Variants in DOCK11 observed in about 807,000 individuals in gnomAD.
DOCK11 encodes dedicator of cytokinesis 11.
In DOCK11, 70 loss-of-function variants were observed where a neutral mutation model predicts 169.1. The ratio of observed to expected loss-of-function variants is 0.41; its 90% CI spans 0.34 to 0.51. The LOEUF is 0.51. Among genes scored for constraint, DOCK11 ranks in the 20% least tolerant of loss-of-function variants. The probability of loss-of-function intolerance (pLI) is 0.10; values close to 1 mark genes in which losing one functional copy is unlikely to be tolerated. For missense variants in DOCK11, 1,166 were observed against 1,538.8 expected (o/e 0.76, Z 4.05); for synonymous variants, 529 against 541.3 (o/e 0.98, Z 0.32).
chrX:118,614,800 G>A (rs1002641379), intron 29 of DOCK11, 25 bp downstream of exon 29: 3 of 1,002,843 alleles, frequency 3.0e-6, no homozygotes, highest in African/African-American at 3.8e-5. Flanking sequence ...CATGATTGTA[G>A]TGGATGTCAG....
In DOCK11 at chrX:118,561,467, A is replaced by G; in HGVS notation, c.643A>G (p.Lys215Glu). 1 of 1,208,162 alleles carries G rather than the reference A, an allele frequency of 8.3e-7. No individual in the cohort carries two copies. Among genetic ancestry groups the G allele is most frequent in the Non-Finnish European group, 1.1e-6 (1 of 893,836 alleles). Residue 215 changes from lysine (K) to glutamate (E), a missense_variant, in exon 7 of 53, where the codon AAA becomes GAA. Coordinates refer to ENST00000276202, the MANE Select transcript of DOCK11 (RefSeq NM_144658.4). ...TTCCTATAAAGATGAGAAAAATTCA[A>G]AAGAATCGAAAGGTTGCATCTACTT... is the stretch of plus-strand genomic sequence containing the variant. ...LNSYKDEKNS[K>E]ESKGCIYLDA...
intron 45 of DOCK11, among the ~76,000 whole-genome samples, chrX:118,668,829 A>C (rs1010280412): frequency 1.8e-5 from 2 of 111,669 alleles, no homozygotes; most frequent in Non-Finnish European, 3.8e-5. Flanking sequence ...AAAGAGATTA[A>C]CCAAGTAGAA....
At chrX:118,500,117 C>T (rs1312531005) in intron 1 of DOCK11, among the ~76,000 whole-genome samples, 4 of 107,508 alleles carry the variant, frequency 3.7e-5, no homozygotes, top group Non-Finnish European at 1.9e-5. Context: ...GGCGGGATCT[C>T]GGCTCACTGC....
chrX:118,623,346 A>G (rs1273658878), intron 31 of DOCK11, among the ~76,000 whole-genome samples: 1 of 112,996 alleles, frequency 8.8e-6, no homozygotes, highest in African/African-American at 3.2e-5. Flanking sequence ...TAGGAGGTAG[A>G]ACTTAGGAGG....
At chrX:118,506,837 A>G (rs1051199731) in intron 1 of DOCK11, among the ~76,000 whole-genome samples, 1 of 112,022 alleles carries the variant, frequency 8.9e-6, no homozygotes, top group African/African-American at 3.2e-5. Flanking sequence ...AAATGCCAGC[A>G]CTTTGGCAGG....
chrX:118,496,345 G>C (rs1050096296), intron 1 of DOCK11, among the ~76,000 whole-genome samples: 4 of 112,089 alleles, frequency 3.6e-5, no homozygotes, highest in Non-Finnish European at 5.7e-5. Flanking sequence ...GGAGGCGGAG[G>C]CGGAGGCTCC....
chrX:118,607,452 C>A (rs1170930299), intron 24 of DOCK11, among the ~76,000 whole-genome samples: 13 of 63,784 alleles, frequency 2.0e-4, no homozygotes, highest in Middle Eastern at 0.015. Flanking sequence ...GACAGAGTCT[C>A]GCTCTGTTGC....
intron 28 of DOCK11, among the ~76,000 whole-genome samples, chrX:118,613,523 TAA>T (rs2014734790): frequency 8.9e-6 from 1 of 112,563 alleles, no homozygotes; most frequent in Non-Finnish European, 1.9e-5. Context: ...ATAAAGTGTT[TAA>T]AAGGATCCAT....
Position 118,662,794 on chromosome X carries a change from T to C in DOCK11, c.5076+2T>C. On this transcript the variant is annotated splice_donor_variant, in intron 45 of 52. Coordinates refer to ENST00000276202, the MANE Select transcript of DOCK11 (RefSeq NM_144658.4). LOFTEE classifies it high-confidence loss of function. Reference sequence around the variant, plus strand: ...ATGATGGATGTCCATTATAGTGAAGTAAGGATTCCAGGGCCTGCATTGCCA... The same window carrying C: ...ATGATGGATGTCCATTATAGTGAAGCAAGGATTCCAGGGCCTGCATTGCCA... The C allele has an allele frequency of 2.7e-6, 3 of 1,097,354 alleles. No individual in the cohort carries two copies. Among genetic ancestry groups the C allele is most frequent in the Non-Finnish European group, 3.8e-6 (3 of 795,743 alleles). 90.4% of individuals were successfully genotyped at this position (1,097,354 alleles called of 1,213,427 possible). A position where few individuals can be genotyped will look rare whatever the true frequency, so the allele number is the denominator to read the frequency against.
chrX:118,658,673 AG>A (rs2016139884), intron 44 of DOCK11, among the ~76,000 whole-genome samples: 1 of 112,454 alleles, frequency 8.9e-6, no homozygotes, highest in African/African-American at 3.2e-5. Context: ...CCTTTATTGA[AG>A]GCACCTCAAA....
intron 28 of DOCK11, among the ~76,000 whole-genome samples, chrX:118,613,578 A>G (rs1203218131): frequency 8.9e-6 from 1 of 112,868 alleles, no homozygotes; most frequent in Non-Finnish European, 1.9e-5. Flanking sequence ...TGAGAACCTT[A>G]AAGAATGAAT....
At chrX:118,598,315 C>A (rs1398009721) in intron 22 of DOCK11, among the ~76,000 whole-genome samples, 199 bp downstream of exon 22, 2 of 109,776 alleles carry the variant, frequency 1.8e-5, no homozygotes, top group East Asian at 5.7e-4. Flanking sequence ...ATTGCTTGAG[C>A]TCAGGAGTTC....
chrX:118,596,284 A>T (rs988281637), intron 20 of DOCK11, among the ~76,000 whole-genome samples: 3 of 112,299 alleles, frequency 2.7e-5, no homozygotes, highest in Non-Finnish European at 5.6e-5. Flanking sequence ...GCATTTCTGT[A>T]GTTGAACTAG....
Position 118,591,143 on chromosome X carries a change from C to G in DOCK11, c.2139+841C>G, listed in dbSNP as rs60258180. 1.1e-3 allele frequency among the ~76,000 whole-genome samples: 124 copies of G among 112,095 alleles called. 1 individual carries two copies. Among genetic ancestry groups the G allele is most frequent in the African/African-American group, 3.7e-3 (114 of 30,886 alleles). On this transcript the variant is annotated intron_variant, in intron 19 of 52. Coordinates refer to ENST00000276202, the MANE Select transcript of DOCK11 (RefSeq NM_144658.4). Reference sequence around the variant, plus strand: ...ATTCTTGGCTTGGTCTGAAACCATCCCCCCGGCTGTGGTGATTTTGCCATG... The same window carrying G: ...ATTCTTGGCTTGGTCTGAAACCATCGCCCCGGCTGTGGTGATTTTGCCATG...
chrX:118,506,950 G>T (rs2057616956), intron 1 of DOCK11, among the ~76,000 whole-genome samples: 2 of 111,769 alleles, frequency 1.8e-5, no homozygotes, highest in African/African-American at 3.2e-5. Context: ...GTGCACACAG[G>T]TTCCTAGCAG....
At chrX:118,627,408 G>T in intron 32 of DOCK11, 96 bp from the exon 33 acceptor site, 1 of 650,366 alleles carries the variant, frequency 1.5e-6, no homozygotes, top group Non-Finnish European at 2.5e-6. Flanking sequence ...AGTGAGCTTT[G>T]TTTAAAATCA....
At chrX:118,558,194 A>C (rs2012783863) in intron 6 of DOCK11, among the ~76,000 whole-genome samples, 2 of 109,953 alleles carry the variant, frequency 1.8e-5, no homozygotes, top group African/African-American at 6.6e-5. Flanking sequence ...GCTGGTCTTG[A>C]ACTTCTGACT....
intron 1 of DOCK11, among the ~76,000 whole-genome samples, chrX:118,536,617 T>C (rs1325548649): frequency 2.7e-5 from 3 of 111,941 alleles, no homozygotes; most frequent in Non-Finnish European, 5.6e-5. Context: ...GTACAGTTCC[T>C]TTTTTGGAAG....
chrX:118,679,112 A>G (rs1192166738), intron 48 of DOCK11, among the ~76,000 whole-genome samples: 3 of 109,793 alleles, frequency 2.7e-5, no homozygotes, highest in African/African-American at 1.0e-4. Flanking sequence ...TATGTTTCTT[A>G]GAGACAGGGT....
Sources: allele counts gnomAD v4.1 joint callset (sites outside exome capture counted in the v4.1 genomes callset), GRCh38; gene constraint gnomAD v4.1.1; transcripts MANE v1.5; gene names NCBI Gene and HGNC (gene_info 2026-07-23, HGNC 2026-07-21).